SLC39A9: variants seen among roughly 807,000 people sequenced by gnomAD.
SLC39A9 encodes the protein solute carrier family 39 member 9.
Under a neutral mutation model 28.4 loss-of-function variants are expected in SLC39A9, and 14 were observed. The observed-to-expected ratio is 0.49, with a 90% confidence interval of 0.33 to 0.77. The LOEUF is 0.77. Among genes scored for constraint, SLC39A9 ranks in the 30% least tolerant of loss-of-function variants. The pLI is 0.02. For synonymous variants in SLC39A9, 119 were observed against 149.6 expected, an observed-to-expected ratio of 0.80 and a Z score of 1.49; for missense variants, 283 against 381.1, an observed-to-expected ratio of 0.74 and a Z score of 2.14.
chr14:69,414,741 C>G (rs1340561003), intron 1 of SLC39A9, among the ~76,000 whole-genome samples: 1 of 152,174 alleles, frequency 6.6e-6, no homozygotes, highest in East Asian at 1.9e-4. Flanking sequence ...TAGAACATAT[C>G]TGTTATTCTA....
chr14:69,429,842 G>T (rs1884400212), intron 2 of SLC39A9, among the ~76,000 whole-genome samples: 1 of 152,166 alleles, frequency 6.6e-6, no homozygotes, highest in South Asian at 2.1e-4. Flanking sequence ...GAGAGTTCCA[G>T]TTCTCCCCTT....
chr14:69,420,407 C>T (rs1329271393), intron 1 of SLC39A9, among the ~76,000 whole-genome samples: 2 of 152,142 alleles, frequency 1.3e-5, no homozygotes, highest in Non-Finnish European at 2.9e-5. Flanking sequence ...GTAACCTGAC[C>T]TTTCTCTCTG....
Position 69,460,443 on chromosome 14 carries a change from A to G in SLC39A9, c.*1850A>G, listed in dbSNP as rs1886063743. The stretch of plus-strand genomic sequence containing the variant: ...ATGACTTCCTTGATTGGATGTTAAC[A>G]GCTGACTGGTGTGAGACTTGAGGTT... On this transcript the variant is annotated 3_prime_UTR_variant, in exon 7 of 7. Transcript: ENST00000336643. 1.1e-5 allele frequency: 11 copies of G among 985,488 alleles called. No individual in the cohort carries two copies. The highest frequency in any genetic ancestry group is 1.2e-5 in the Non-Finnish European group (10 of 829,948). 61.0% of individuals were successfully genotyped at this position (985,488 alleles called of 1,614,324 possible). A position where few individuals can be genotyped will look rare whatever the true frequency, so the allele number is the denominator to read the frequency against.
In SLC39A9 at chr14:69,400,296, C is replaced by G. The variant is rs550097536; in HGVS notation, c.96+831C>G. ...TCTGAAGTTGTTTCAAATCTATTTG[C>G]TTAGCAATGAATTTTTGGTTAATAC... is the stretch of plus-strand genomic sequence containing the variant. On this transcript the variant is annotated intron_variant, in intron 1 of 6. Transcript: ENST00000336643. 1.2e-4 allele frequency among the ~76,000 whole-genome samples: 19 copies of G among 152,308 alleles called. No individual in the cohort carries two copies. The South Asian group carries it at 3.7e-3, about 30-fold the overall frequency.
intron 4 of SLC39A9, 94 bp from the exon 5 acceptor site, chr14:69,454,718 C>A: frequency 1.0e-6 from 1 of 959,470 alleles, no homozygotes; most frequent in Non-Finnish European, 1.6e-6. Flanking sequence ...CTAGATCCAG[C>A]TGGACCTGAC....
At chr14:69,454,446 C>A (rs1030352331) in intron 4 of SLC39A9, among the ~76,000 whole-genome samples, 1 of 152,258 alleles carries the variant, frequency 6.6e-6, no homozygotes, top group South Asian at 2.1e-4. Context: ...GAGATGCTTC[C>A]TTTGAAATTC....
At chr14:69,432,972 C>T (rs1248796973) in intron 2 of SLC39A9, among the ~76,000 whole-genome samples, 1 of 152,148 alleles carries the variant, frequency 6.6e-6, no homozygotes, top group Non-Finnish European at 1.5e-5. Context: ...AATGTGTTGC[C>T]TCTGGCTTTG....
At chr14:69,422,525 TC>T (rs771233322) in intron 1 of SLC39A9, among the ~76,000 whole-genome samples, 18 of 152,184 alleles carry the variant, frequency 1.2e-4, no homozygotes, top group Non-Finnish European at 2.2e-4. Flanking sequence ...ATCCTCTGCT[TC>T]CACCACCCAA....
chr14:69,447,514 C>T (rs550736852), intron 3 of SLC39A9, among the ~76,000 whole-genome samples: 2 of 152,134 alleles, frequency 1.3e-5, no homozygotes, highest in Non-Finnish European at 2.9e-5. Context: ...AATCCTAGAA[C>T]GAAGAGAAAC....
intron 1 of SLC39A9, among the ~76,000 whole-genome samples, chr14:69,405,956 A>T (rs1438224282): frequency 6.6e-6 from 1 of 152,202 alleles, no homozygotes; most frequent in Non-Finnish European, 1.5e-5. Context: ...AAATGAGCAA[A>T]CTCAGGCTTG....
intron 1 of SLC39A9, among the ~76,000 whole-genome samples, chr14:69,418,635 C>T (rs1883706421): frequency 6.6e-6 from 1 of 152,084 alleles, no homozygotes; most frequent in South Asian, 2.1e-4. Flanking sequence ...TCTGTCTGGT[C>T]CTGGACGTTT....
chr14:69,409,093 A>G (rs1294914714), intron 1 of SLC39A9, among the ~76,000 whole-genome samples: 1 of 152,194 alleles, frequency 6.6e-6, no homozygotes, highest in Non-Finnish European at 1.5e-5. Flanking sequence ...TAAATTAACA[A>G]TTTTTTAAAA....
chr14:69,410,248 A>G (rs1414645570), intron 1 of SLC39A9, among the ~76,000 whole-genome samples: 1 of 152,232 alleles, frequency 6.6e-6, no homozygotes, highest in Non-Finnish European at 1.5e-5. Context: ...AGTAACCTTG[A>G]TGTCAAATGA....
intron 3 of SLC39A9, among the ~76,000 whole-genome samples, chr14:69,448,555 AAGG>A (rs1410099560): frequency 1.3e-5 from 2 of 152,208 alleles, no homozygotes; most frequent in Non-Finnish European, 1.5e-5. Flanking sequence ...AAAAACAAGA[AAGG>A]AGGAGAATAT....
intron 1 of SLC39A9, among the ~76,000 whole-genome samples, chr14:69,411,262 G>T (rs1883249113): frequency 6.6e-6 from 1 of 151,020 alleles, no homozygotes; most frequent in South Asian, 2.1e-4. Flanking sequence ...GTCTTTAGGT[G>T]AACCAATTTG....
At chr14:69,446,740 G>A (rs1160132681) in intron 3 of SLC39A9, among the ~76,000 whole-genome samples, 1 of 151,880 alleles carries the variant, frequency 6.6e-6, no homozygotes, top group Non-Finnish European at 1.5e-5. Context: ...AGGTATGGTG[G>A]CACACGCCTG....
At chr14:69,447,985 C>T (rs1266749659) in intron 3 of SLC39A9, among the ~76,000 whole-genome samples, 1 of 150,654 alleles carries the variant, frequency 6.6e-6, no homozygotes, top group Admixed American at 6.6e-5. Flanking sequence ...GAGGCCGAGG[C>T]AGGTGGATCA....
At chr14:69,407,621 G>C (rs1047569918) in intron 1 of SLC39A9, among the ~76,000 whole-genome samples, 2 of 144,138 alleles carry the variant, frequency 1.4e-5, no homozygotes, top group African/African-American at 5.2e-5. Context: ...GAGCCACTGC[G>C]CCCGGCCAAT....
At chr14:69,414,238 G>A (rs1292925955) in intron 1 of SLC39A9, among the ~76,000 whole-genome samples, 1 of 152,104 alleles carries the variant, frequency 6.6e-6, no homozygotes, top group African/African-American at 2.4e-5. Context: ...AGTAGAGACA[G>A]GGTTTCGCCA....
Sources: gnomAD v4.1 joint callset for allele counts (sites outside exome capture counted in the v4.1 genomes callset) on GRCh38, gnomAD v4.1.1 for gene constraint, MANE v1.5 for transcripts, NCBI Gene and HGNC (gene_info 2026-07-23, HGNC 2026-07-21) for gene names.